The following DNAI7 variants were observed in gnomAD, a reference collection of about 807,000 sequenced individuals.
The protein encoded by DNAI7 is dynein axonemal intermediate chain 7.
In DNAI7, 78 loss-of-function variants were observed where a neutral mutation model predicts 86.6. That is an observed-to-expected ratio of 0.90 (90% CI 0.75 to 1.09). The LOEUF is 1.09. DNAI7 is among the 50% of genes least tolerant of loss of function. The pLI is 0.00. For missense variants in DNAI7, 753 were observed against 810.2 expected, an observed-to-expected ratio of 0.93 and a Z score of 0.86; for synonymous variants, 274 against 273.0, an observed-to-expected ratio of 1.00 and a Z score of -0.04.
rs12811648 is a variant in DNAI7 at position 25,159,071 on chromosome 12, C to T, written c.107-508G>A. Reference sequence around the variant, plus strand: ...GAACTAGAAATACCATTTGACCCAGCGATCCCATTACTGGGTATATACCCA... The same window carrying T: ...GAACTAGAAATACCATTTGACCCAGTGATCCCATTACTGGGTATATACCCA... On this transcript the variant is annotated intron_variant, in intron 3 of 15. Coordinates refer to ENST00000395987, the MANE Select transcript of DNAI7 (RefSeq NM_018272.5). 5.1e-3 allele frequency among the ~76,000 whole-genome samples: 773 copies of T among 152,280 alleles called. 2 individuals are homozygous for T. The highest frequency in any genetic ancestry group is 8.5e-3 in the Non-Finnish European group (579 of 68,006).
At position 25,152,729 on chromosome 12, in the gene DNAI7, T is replaced by C. The variant is rs141583784; in HGVS notation, c.438+1590A>G. Among the ~76,000 whole-genome samples the C allele has an allele frequency of 3.8e-3, 574 of 152,224 alleles. 6 individuals carry two copies. Among genetic ancestry groups the C allele is most frequent in the African/African-American group, 0.013 (534 of 41,552 alleles). ...GATTGGAAGTGAAGGAAAGGGCAGT[T>C]TTGTGGGACGGGGGTCTGCACTAGC... On this transcript the variant is annotated intron_variant, in intron 6 of 15. Transcript: ENST00000395987.
chr12:25,185,874 T>A lies in DNAI7; in HGVS notation c.21+4740A>T, dbSNP rs79285481. 0.078 allele frequency: 20,479 copies of A among 263,280 alleles called. 926 individuals are homozygous for A. Among genetic ancestry groups the A allele is most frequent in the Non-Finnish European group, 0.1 (17,015 of 169,920 alleles). The allele number at this position is 263,280 out of a possible 1,614,324, so 16.3% of individuals were successfully genotyped here. ...ATTACAGTCCCATTCCTGGGGGTAGTTGAGCATGATTTCAATCAAATAAAA... is the reference window on the plus strand; with the variant it reads ...ATTACAGTCCCATTCCTGGGGGTAGATGAGCATGATTTCAATCAAATAAAA... On this transcript the variant is annotated intron_variant, in intron 2 of 15. Coordinates refer to ENST00000395987, the MANE Select transcript of DNAI7 (RefSeq NM_018272.5).
At chr12:25,193,499 A>G (rs1037009191) in intron 1 of DNAI7, among the ~76,000 whole-genome samples, 1 of 152,212 alleles carries the variant, frequency 6.6e-6, no homozygotes, top group African/African-American at 2.4e-5. Context: ...ACTACGAGAC[A>G]ATAAATTTCT....
At position 25,175,445 on chromosome 12, in the gene DNAI7, C is replaced by T. The variant is rs560268014; in HGVS notation, c.22-14248G>A. On this transcript the variant is annotated intron_variant, in intron 2 of 15. Transcript: ENST00000395987. ...CACAATCTTGGCTCAGTGAAACCTC[C>T]GCCTCCCAGGTTCAAGGGATTCTCC... Among the ~76,000 whole-genome samples the T allele has an allele frequency of 3.9e-5, 6 of 152,210 alleles. No individual in the cohort carries two copies. The South Asian group carries it at 1.0e-3, about 26-fold the overall frequency.
chr12:25,174,416 G>C (rs1317491310), intron 2 of DNAI7, among the ~76,000 whole-genome samples: 1 of 6,256 alleles, frequency 1.6e-4, no homozygotes, highest in African/African-American at 1.1e-3. Flanking sequence ...GGATATATGG[G>C]ATATATATAT....
intron 7 of DNAI7, among the ~76,000 whole-genome samples, chr12:25,147,476 A>ACT (rs1555170057): frequency 6.8e-6 from 1 of 148,004 alleles, no homozygotes. Context: ...ACATAATGAG[A>ACT]CCACCCCCAT....
At chr12:25,167,324 T>A (rs974864339) in intron 2 of DNAI7, among the ~76,000 whole-genome samples, 1 of 152,096 alleles carries the variant, frequency 6.6e-6, no homozygotes, top group African/African-American at 2.4e-5. Context: ...TCCCTACACA[T>A]CAAGCTCGAG....
At chr12:25,150,899 T>C (rs1055537579) in intron 6 of DNAI7, among the ~76,000 whole-genome samples, 2 of 152,194 alleles carry the variant, frequency 1.3e-5, no homozygotes, top group African/African-American at 4.8e-5. Flanking sequence ...TACTGAATGC[T>C]TACAATGCAC....
intron 9 of DNAI7, among the ~76,000 whole-genome samples, chr12:25,130,753 G>C (rs1188261966): frequency 1.3e-5 from 2 of 152,012 alleles, no homozygotes; most frequent in African/African-American, 4.8e-5. Flanking sequence ...TCTCACAAAT[G>C]TGCTACACTT....
At chr12:25,138,200 A>G (rs1184176466) in intron 9 of DNAI7, among the ~76,000 whole-genome samples, 2 of 152,336 alleles carry the variant, frequency 1.3e-5, no homozygotes, top group East Asian at 3.9e-4. Context: ...ACAGTGGCTC[A>G]TACCTGTAAT....
chr12:25,170,445 T>C (rs1186557849), intron 2 of DNAI7, among the ~76,000 whole-genome samples: 1 of 149,920 alleles, frequency 6.7e-6, no homozygotes, highest in Non-Finnish European at 1.5e-5. Context: ...TAAACATACA[T>C]GCACCTAACA....
chr12:25,128,916 C>T (rs1210235916), intron 9 of DNAI7, among the ~76,000 whole-genome samples: 1 of 152,130 alleles, frequency 6.6e-6, no homozygotes. Context: ...CTACTTACCA[C>T]CCTCTAATGG....
rs1939664379 is a variant in DNAI7 at position 25,114,507 on chromosome 12, A to G, written c.1611+149T>C. 1.1e-5 allele frequency: 6 copies of G among 565,450 alleles called. No individual in the cohort carries two copies. The South Asian group carries it at 1.5e-4, about 14-fold the overall frequency. The allele number at this position is 565,450 out of a possible 1,614,324, so 35.0% of individuals were successfully genotyped here. ...CAACTAATATTTCATTTAGAAATAT[A>G]GCTCAAGGTACATTTTTAAGGTCAT... On this transcript the variant is annotated intron_variant, in intron 13 of 15. Coordinates refer to ENST00000395987, the MANE Select transcript of DNAI7 (RefSeq NM_018272.5).
intron 2 of DNAI7, among the ~76,000 whole-genome samples, chr12:25,173,906 A>G (rs1948435396): frequency 6.7e-6 from 1 of 149,092 alleles, no homozygotes; most frequent in South Asian, 2.1e-4. Flanking sequence ...ATACCACATC[A>G]TATATATGGA....
chr12:25,174,263 G>C (rs1948508483), intron 2 of DNAI7, among the ~76,000 whole-genome samples: 1 of 122,194 alleles, frequency 8.2e-6, no homozygotes, highest in South Asian at 2.5e-4. Context: ...TGTTTCTTTT[G>C]CCATGCAAAA....
In DNAI7 at chr12:25,144,381, T is replaced by C; in HGVS notation, c.986A>G (p.Asp329Gly). The C allele has an allele frequency of 6.2e-7, 1 of 1,613,144 alleles. No individual in the cohort carries two copies. The highest frequency in any genetic ancestry group is 8.5e-7 in the Non-Finnish European group (1 of 1,179,504). The change falls in exon 9 of 16, where the codon GAT becomes GGT. Residue 329 changes from aspartate (D) to glycine (G), a missense_variant. Coordinates refer to ENST00000395987, the MANE Select transcript of DNAI7 (RefSeq NM_018272.5). ...EEIKVEEEQGDIEVKMSSAEE... is the reference protein window; with the variant it reads ...EEIKVEEEQGGIEVKMSSAEE... ...GTGTCCTACCATTTTCACTTCAATA[T>C]CACCTTGTTCCTCCTCAACTTTTAT...
At chr12:25,128,232 T>C (rs1942409174) in intron 9 of DNAI7, among the ~76,000 whole-genome samples, 1 of 152,244 alleles carries the variant, frequency 6.6e-6, no homozygotes. Flanking sequence ...ATCTGAAATA[T>C]ACTTTTTCAT....
chr12:25,110,241 C>T lies in DNAI7; in HGVS notation c.1780-1G>A, dbSNP rs1949700670. On this transcript the variant is annotated splice_acceptor_variant, in intron 14 of 15. Transcript: ENST00000395987. LOFTEE classifies it high-confidence loss of function. ...AAGCTTTCACTTCTACCAAAGGAAC[C>T]TGTCAATATAAAAACAAATAGAATT... The T allele has an allele frequency of 1.3e-6, 2 of 1,543,964 alleles. No homozygotes were observed. Among genetic ancestry groups the T allele is most frequent in the Non-Finnish European group, 1.8e-6 (2 of 1,118,200 alleles).
intron 2 of DNAI7, among the ~76,000 whole-genome samples, chr12:25,169,051 C>T (rs1407164185): frequency 2.0e-5 from 3 of 152,060 alleles, no homozygotes; most frequent in Non-Finnish European, 4.4e-5. Flanking sequence ...TTCGCTGTCC[C>T]AAAACTTTAC....
Sources: allele counts gnomAD v4.1 joint callset (sites outside exome capture counted in the v4.1 genomes callset), GRCh38; gene constraint gnomAD v4.1.1; transcripts MANE v1.5; gene names NCBI Gene and HGNC (gene_info 2026-07-23, HGNC 2026-07-21).